DTNA: variants seen among roughly 807,000 people sequenced by gnomAD.
DTNA encodes dystrobrevin alpha.
In DTNA, 43 loss-of-function variants were observed where a neutral mutation model predicts 100.7. That is an observed-to-expected ratio of 0.43 (90% CI 0.33 to 0.55). The LOEUF (loss-of-function observed/expected upper bound fraction) is 0.55. DTNA is among the 20% of genes least tolerant of loss of function. The probability of loss-of-function intolerance (pLI) is 0.04; values close to 1 mark genes in which losing one functional copy is unlikely to be tolerated. For synonymous variants in DTNA, 349 were observed against 347.9 expected (o/e 1.00, Z -0.04); for missense variants, 798 against 953.9 (o/e 0.84, Z 2.15).
chr18:34,852,646 A>T (rs1173622064), intron 15 of DTNA, among the ~76,000 whole-genome samples: 1 of 152,060 alleles, frequency 6.6e-6, no homozygotes, highest in Non-Finnish European at 1.5e-5. Context: ...CCCTCCTGCC[A>T]TTCCAGCCTC....
At chr18:34,597,176 A>T (rs1293899396) in intron 1 of DTNA, among the ~76,000 whole-genome samples, 1 of 152,146 alleles carries the variant, frequency 6.6e-6, no homozygotes, top group Non-Finnish European at 1.5e-5. Flanking sequence ...TGCAAAGGAC[A>T]TGAACACATT....
chr18:34,840,869 A>G (rs944368849), intron 13 of DTNA, among the ~76,000 whole-genome samples: 3 of 152,012 alleles, frequency 2.0e-5, no homozygotes, highest in Non-Finnish European at 4.4e-5. Flanking sequence ...ATGTTTAATT[A>G]GATCCCAACA....
chr18:34,797,736 A>G (rs1199680310), intron 4 of DTNA, among the ~76,000 whole-genome samples: 2 of 152,208 alleles, frequency 1.3e-5, no homozygotes, highest in East Asian at 3.9e-4. Context: ...GCAGTCACAA[A>G]CTCTGAGGTT....
intron 1 of DTNA, among the ~76,000 whole-genome samples, chr18:34,581,106 G>A (rs142146986): frequency 0.012 from 1,891 of 152,250 alleles, 33 homozygotes; most frequent in African/African-American, 0.041. Context: ...AAAATTAGCC[G>A]GGTGTGGTGG....
chr18:34,512,324 A>T (rs2041172543), intron 1 of DTNA, among the ~76,000 whole-genome samples: 1 of 152,014 alleles, frequency 6.6e-6, no homozygotes. Flanking sequence ...TTATTTATAA[A>T]TGTACAAATT....
chr18:34,731,680 A>G (rs1272082985), intron 1 of DTNA, among the ~76,000 whole-genome samples: 1 of 152,166 alleles, frequency 6.6e-6, no homozygotes, highest in African/African-American at 2.4e-5. Flanking sequence ...TTGTGTAATC[A>G]TCTCTTAATG....
intron 1 of DTNA, among the ~76,000 whole-genome samples, chr18:34,754,725 A>G (rs1035188504): frequency 6.6e-6 from 1 of 152,196 alleles, no homozygotes; most frequent in Non-Finnish European, 1.5e-5. Flanking sequence ...CAGTCAAGCT[A>G]ATTAACATAT....
intron 1 of DTNA, among the ~76,000 whole-genome samples, chr18:34,745,577 G>C (rs932782515): frequency 6.6e-6 from 1 of 152,142 alleles, no homozygotes; most frequent in African/African-American, 2.4e-5. Context: ...GTGTATCCAG[G>C]TATTCTGGTT....
intron 1 of DTNA, among the ~76,000 whole-genome samples, chr18:34,622,685 C>T (rs1421542087): frequency 6.6e-6 from 1 of 152,158 alleles, no homozygotes; most frequent in East Asian, 1.9e-4. Flanking sequence ...TTACACTCTT[C>T]CTTTCCTGTC....
intron 1 of DTNA, among the ~76,000 whole-genome samples, chr18:34,546,820 G>A (rs1037522285): frequency 6.0e-5 from 9 of 150,214 alleles, no homozygotes; most frequent in Non-Finnish European, 1.2e-4. Flanking sequence ...AGCAATTCCC[G>A]TGCCTCAGCC....
rs1401043655 is a variant in DTNA at position 34,877,969 on chromosome 18, TG to T, written c.1993+162del. Among the ~76,000 whole-genome samples the T allele has an allele frequency of 3.3e-5, 5 of 152,072 alleles. No homozygotes were observed. The East Asian group carries it at 9.7e-4, about 29-fold the overall frequency. ...ATTCAGATTTGAGGGGTTTTTTTTTTGTTTGTTTGTTTTTGGTTTTTTGAGA... is the reference window on the plus strand; with the variant it reads ...ATTCAGATTTGAGGGGTTTTTTTTTTTTTGTTTGTTTTTGGTTTTTTGAGA... On this transcript the variant is annotated intron_variant, in intron 19 of 22. Transcript: ENST00000444659.
At position 34,875,269 on chromosome 18, in the gene DTNA, C is replaced by T. The variant is rs2150324077; in HGVS notation, c.1774C>T (p.Pro592Ser). ...TQGAGSPRSS[P>S]SHTISRPIPM... ...GGGGGCAGGCTCTCCCCGCTCCTCC[C>T]CCAGCCACACCATCAGCAGGCCAAT... Residue 592 changes from proline to serine, a missense_variant, in exon 18 of 23, where the codon CCC becomes TCC. This residue lies in a region of DTNA where 242 missense variants were observed against 238.2 expected (regional missense o/e 1.02). Transcript: ENST00000444659. 1 of 1,614,154 alleles carries T rather than the reference C, an allele frequency of 6.2e-7. No homozygotes were observed. Among genetic ancestry groups the T allele is most frequent in the Non-Finnish European group, 8.5e-7 (1 of 1,180,014 alleles).
In DTNA at chr18:34,794,216, C is replaced by G; in HGVS notation, c.328C>G (p.Leu110Val). ...AATCCATGTGGAGCAGTCCATCAGC[C>G]TCCTCCTTAACTTCCTGCTTGCAGC... ...HQIHVEQSISLLLNFLLAAFD... is the reference protein window; with the variant it reads ...HQIHVEQSISVLLNFLLAAFD... Residue 110 changes from leucine to valine, a missense_variant, in exon 4 of 23, where the codon CTC (leucine) becomes GTC (valine). Coordinates refer to ENST00000444659, the MANE Select transcript of DTNA (RefSeq NM_001386795.1). The G allele has an allele frequency of 2.5e-6, 4 of 1,614,136 alleles. No homozygotes were observed. The highest frequency in any genetic ancestry group is 3.4e-6 in the Non-Finnish European group (4 of 1,179,996).
At chr18:34,609,114 C>A (rs1399034819) in intron 1 of DTNA, among the ~76,000 whole-genome samples, 6 of 152,154 alleles carry the variant, frequency 3.9e-5, no homozygotes. Context: ...AGGAGCTAAG[C>A]CCACACAATT....
chr18:34,550,752 ATTAC>A (rs1020560184), intron 1 of DTNA, among the ~76,000 whole-genome samples: 4 of 152,080 alleles, frequency 2.6e-5, no homozygotes, highest in African/African-American at 9.7e-5. Context: ...ACTTTTTTCT[ATTAC>A]TTCTAAGAGA....
intron 4 of DTNA, among the ~76,000 whole-genome samples, chr18:34,796,200 C>T (rs1293520103): frequency 6.6e-6 from 1 of 152,240 alleles, no homozygotes; most frequent in Non-Finnish European, 1.5e-5. Flanking sequence ...TTTGCTCCTT[C>T]AGCGTAGCAA....
intron 11 of DTNA, among the ~76,000 whole-genome samples, chr18:34,831,345 A>G (rs1038502908): frequency 6.6e-6 from 1 of 152,228 alleles, no homozygotes; most frequent in African/African-American, 2.4e-5. Context: ...ACTATTCTAT[A>G]TAACATCTAG....
chr18:34,765,877 A>G, intron 2 of DTNA, 84 bp from the exon 3 acceptor site: 1 of 1,324,266 alleles, frequency 7.6e-7, no homozygotes, highest in East Asian at 2.4e-5. Context: ...TAAGGATCAT[A>G]TCTACAGTTG....
In DTNA at chr18:34,538,757, T is replaced by A. The variant is rs192695619; in HGVS notation, c.-2+45243T>A. 3.8e-3 allele frequency among the ~76,000 whole-genome samples: 576 copies of A among 152,086 alleles called. 9 individuals are homozygous for A. The highest frequency in any genetic ancestry group is 2.3e-3 in the Non-Finnish European group (155 of 67,942). ...ATATTTACCTCATGCAAAAATGAAT[T>A]CTACATGGTCTAAAGACCTAAACAT... On this transcript the variant is annotated intron_variant, in intron 1 of 19. Transcript: ENST00000283365.
Sources: allele counts gnomAD v4.1 joint callset (sites outside exome capture counted in the v4.1 genomes callset), GRCh38; gene constraint gnomAD v4.1.1; regional missense constraint gnomAD v4.1.1; transcripts MANE v1.5; gene names NCBI Gene and HGNC (gene_info 2026-07-23, HGNC 2026-07-21).